HIPK1: variants seen among roughly 807,000 people sequenced by gnomAD.
HIPK1 encodes the protein homeodomain-interacting protein kinase 1.
Under a neutral mutation model 117.1 loss-of-function variants are expected in HIPK1, and 28 were observed. The ratio of observed to expected loss-of-function variants is 0.24; its 90% CI spans 0.18 to 0.33. The LOEUF (loss-of-function observed/expected upper bound fraction) is 0.33. Among genes scored for constraint, HIPK1 ranks in the 10% least tolerant of loss-of-function variants. The pLI is 1.00. For synonymous variants in HIPK1, 605 were observed against 562.5 expected (o/e 1.08, Z -1.07); for missense variants, 1,122 against 1,475.1 (o/e 0.76, Z 3.92).
intron 9 of HIPK1, 47 bp from the exon 10 acceptor site, chr1:113,963,340 T>A: frequency 6.2e-7 from 1 of 1,604,004 alleles, no homozygotes; most frequent in Non-Finnish European, 8.5e-7. Flanking sequence ...AATCCAGATA[T>A]CCTGCCTCCG....
chr1:113,967,966 C>G lies in HIPK1; in HGVS notation c.2564+18C>G, dbSNP rs1409988340. The G allele has an allele frequency of 6.3e-7, 1 of 1,596,558 alleles. No individual in the cohort carries two copies. ...TCTTCCAAGTGAGTCTGTGTTACAGCTGATAGTTAAAACTGTGCCAGTTTG... is the reference window on the plus strand; with the variant it reads ...TCTTCCAAGTGAGTCTGTGTTACAGGTGATAGTTAAAACTGTGCCAGTTTG... On this transcript the variant is annotated intron_variant, in intron 12 of 15. Coordinates refer to ENST00000426820, the MANE Select transcript of HIPK1 (RefSeq NM_198268.3).
chr1:113,951,730 C>T (rs554696409), intron 2 of HIPK1, among the ~76,000 whole-genome samples: 138 of 152,272 alleles, frequency 9.1e-4, no homozygotes, highest in African/African-American at 3.1e-3. Flanking sequence ...GGTGGGAACT[C>T]TTACTGTCTC....
Position 113,967,898 on chromosome 1 carries a change from C to T in HIPK1, c.2514C>T (p.Ser838=), listed in dbSNP as rs745769418. 30 of 1,610,490 alleles carry T rather than the reference C, an allele frequency of 1.9e-5. No homozygotes were observed. In the Middle Eastern group the frequency reaches 4.9e-4, roughly 27 times the overall value. ...CCCATGTTGTCAGACAACAACAATC[C>T]AGTTCCCTCCCTTCGAAGAAGAATA... ...GVAHVVRQQQ[S]SSLPSKKNKQ... The change falls in exon 12 of 16, where the codon TCC becomes TCT. Residue 838 remains serine (S), a synonymous_variant. Transcript: ENST00000426820.
intron 1 of HIPK1, among the ~76,000 whole-genome samples, chr1:113,934,215 A>C (rs1262982081): frequency 1.3e-5 from 2 of 152,246 alleles, no homozygotes; most frequent in Admixed American, 6.5e-5. Context: ...GAGCAAAAGC[A>C]ACAGGAATTT....
intron 8 of HIPK1, among the ~76,000 whole-genome samples, chr1:113,959,643 A>G (rs1305972883): frequency 2.0e-5 from 3 of 152,222 alleles, no homozygotes; most frequent in African/African-American, 7.2e-5. Flanking sequence ...TAACAAAACA[A>G]AATGTAAACT....
intron 7 of HIPK1, among the ~76,000 whole-genome samples, chr1:113,957,488 T>A (rs986357449): frequency 6.6e-6 from 1 of 152,216 alleles, no homozygotes; most frequent in Non-Finnish European, 1.5e-5. Context: ...TATAAAGGCC[T>A]AATCCATGCC....
At position 113,940,515 on chromosome 1, in the gene HIPK1, C is replaced by A; in HGVS notation, c.132C>A (p.Thr44=). 1.2e-6 allele frequency: 2 copies of A among 1,614,090 alleles called. No homozygotes were observed. Among genetic ancestry groups the A allele is most frequent in the Non-Finnish European group, 1.7e-6 (2 of 1,180,022 alleles). ...SGQSSNDKYY[T]HSKTLPATQG... ...AGAGTAGCAACGACAAATATTATAC[C>A]CACAGCAAAACCCTCCCAGCCACAC... The change falls in exon 2 of 16, where the codon ACC becomes ACA. Residue 44 remains threonine, a synonymous_variant. Coordinates refer to ENST00000426820, the MANE Select transcript of HIPK1 (RefSeq NM_198268.3).
chr1:113,930,081 C>T lies in HIPK1; in HGVS notation c.-3+549C>T, dbSNP rs989799576. On this transcript the variant is annotated intron_variant, in intron 1 of 15. Coordinates refer to ENST00000426820, the MANE Select transcript of HIPK1 (RefSeq NM_198268.3). ...TTCCTCAAAGGGCCCCTGCCTGGGA[C>T]CGGGCGCCGCGTCTTGCGGCCCGGC... is the stretch of plus-strand genomic sequence containing the variant. The T allele has an allele frequency of 1.2e-5, 11 of 938,122 alleles. No homozygotes were observed. The African/African-American group carries it at 1.4e-4, about 12-fold the overall frequency. 58.1% of individuals were successfully genotyped at this position (938,122 alleles called of 1,614,324 possible). A position where few individuals can be genotyped will look rare whatever the true frequency, so the allele number is the denominator to read the frequency against.
intron 7 of HIPK1, 148 bp from the exon 8 acceptor site, chr1:113,957,918 G>C (rs1163526701): frequency 1.6e-6 from 1 of 635,386 alleles, no homozygotes; most frequent in Non-Finnish European, 2.7e-6. Flanking sequence ...GACTAGGGAA[G>C]TTTCTTAAGC....
Position 113,958,238 on chromosome 1 carries a change from C to G in HIPK1, c.1928C>G (p.Thr643Ser), listed in dbSNP as rs1464332943. ...SLQPGTTQIC[T>S]QTDPFQQTFI... ...CAGCCTGGAACCACCCAGATTTGCA[C>G]TCAGACAGATCCATTCCAACAGACA... Residue 643 changes from threonine (T) to serine (S), a missense_variant, in exon 8 of 16, where the codon ACT becomes AGT. Transcript: ENST00000426820. 9 of 1,614,070 alleles carry G rather than the reference C, an allele frequency of 5.6e-6. No individual in the cohort carries two copies. The highest frequency in any genetic ancestry group is 7.6e-6 in the Non-Finnish European group (9 of 1,180,028).
intron 15 of HIPK1, 95 bp downstream of exon 15, chr1:113,972,049 A>G: frequency 6.2e-7 from 1 of 1,613,166 alleles, no homozygotes; most frequent in African/African-American, 1.3e-5. Context: ...ATAAAGCCAA[A>G]TGAAGCCCCT....
At chr1:113,930,017 CGCCGGCTCTCCTGGAGCGCCCAGCCT>C in intron 1 of HIPK1, 1 of 985,080 alleles carries the variant, frequency 1.0e-6, no homozygotes, top group Non-Finnish European at 1.2e-6. Flanking sequence ...CCGGGCCGGC[CGCCGGCTCTCCTGGAGCGCCCAGCCT>C]GCCGGGGGCG....
intron 15 of HIPK1, 25 bp downstream of exon 15, chr1:113,971,979 C>G: frequency 6.2e-7 from 1 of 1,612,888 alleles, no homozygotes; most frequent in Non-Finnish European, 8.5e-7. Context: ...CTACTGCCTT[C>G]TGTTTGGGCC....
chr1:113,944,943 G>T (rs1670892294), intron 2 of HIPK1, among the ~76,000 whole-genome samples: 2 of 152,122 alleles, frequency 1.3e-5, no homozygotes, highest in Admixed American at 6.5e-5. Flanking sequence ...GACCTCTCAG[G>T]CTCAAGCAGT....
Position 113,966,206 on chromosome 1 carries a change from A to G in HIPK1, c.2315A>G (p.Asn772Ser), listed in dbSNP as rs1571722078. The change falls in exon 11 of 16, where the codon AAC (asparagine) becomes AGC (serine). Residue 772 changes from asparagine to serine, a missense_variant. Asn to Ser is a conservative substitution (Grantham distance 46). This residue lies in a region of HIPK1 where 731 missense variants were observed against 860.4 expected (regional missense o/e 0.85). Transcript: ENST00000426820. ...WQQLPGVALH[N>S]SVQPTAMIPE... ...CAGTTGCCTGGGGTAGCTCTACACA[A>G]CTCTGTCCAGCCCACAGCAATGATT... is the stretch of plus-strand genomic sequence containing the variant. 3 of 1,614,052 alleles carry G rather than the reference A, an allele frequency of 1.9e-6. No homozygotes were observed. Among genetic ancestry groups the G allele is most frequent in the Non-Finnish European group, 2.5e-6 (3 of 1,179,982 alleles).
chr1:113,975,314 G>C lies in HIPK1; in HGVS notation c.*1802G>C, dbSNP rs1558154457. On this transcript the variant is annotated 3_prime_UTR_variant, in exon 16 of 16. Transcript: ENST00000426820. ...CTGCCAACATTGAAAAATAAAAACA[G>C]CAGCTTTTCTCCTTTACCACCACCT... is the stretch of plus-strand genomic sequence containing the variant. The C allele has an allele frequency of 6.5e-6, 1 of 152,696 alleles. No homozygotes were observed. The highest frequency in any genetic ancestry group is 1.5e-5 in the Non-Finnish European group (1 of 68,048). 9.5% of individuals were successfully genotyped at this position (152,696 alleles called of 1,614,324 possible). A position where few individuals can be genotyped will look rare whatever the true frequency, so the allele number is the denominator to read the frequency against.
rs1207348294 is a variant in HIPK1, at chr1:113,954,594, C to T, written c.1201-57C>T. The T allele has an allele frequency of 5.0e-6, 8 of 1,586,304 alleles. No individual in the cohort carries two copies. In the African/African-American group the frequency reaches 9.4e-5, roughly 19 times the overall value. Reference sequence around the variant, plus strand: ...AGTTAATGATGTTTTAGTGTAAAAGCCTTTAATAATTTCCCTTTTCACTCC... The same window carrying T: ...AGTTAATGATGTTTTAGTGTAAAAGTCTTTAATAATTTCCCTTTTCACTCC... On this transcript the variant is annotated intron_variant, in intron 3 of 15. Transcript: ENST00000426820.
intron 2 of HIPK1, among the ~76,000 whole-genome samples, chr1:113,944,866 G>A (rs1325367564): frequency 1.3e-5 from 2 of 151,822 alleles, no homozygotes; most frequent in African/African-American, 4.8e-5. Context: ...GTTTTGTTTT[G>A]AGACAGAGTC....
intron 1 of HIPK1, among the ~76,000 whole-genome samples, chr1:113,936,511 C>T (rs1670258612): frequency 6.6e-6 from 1 of 151,864 alleles, no homozygotes; most frequent in Admixed American, 6.6e-5. Flanking sequence ...GTCGCCCAGG[C>T]TGGAATGCAA....
Sources: allele counts gnomAD v4.1 joint callset (sites outside exome capture counted in the v4.1 genomes callset), GRCh38; gene constraint gnomAD v4.1.1; regional missense constraint gnomAD v4.1.1; transcripts MANE v1.5; gene names NCBI Gene and HGNC (gene_info 2026-07-23, HGNC 2026-07-21).